Variants in MYO1D observed in about 807,000 individuals in gnomAD.
MYO1D encodes myosin ID.
Under a neutral mutation model 122.0 loss-of-function variants are expected in MYO1D, and 83 were observed. That is an observed-to-expected ratio of 0.68 (90% CI 0.57 to 0.82). The LOEUF (loss-of-function observed/expected upper bound fraction) is 0.82. Ranked by LOEUF, MYO1D falls within the 40% of genes least tolerant of loss-of-function variation. The pLI, the probability that MYO1D is intolerant of heterozygous loss-of-function variation, is 0.00. For synonymous variants in MYO1D, 464 were observed against 446.9 expected (o/e 1.04, Z -0.48); for missense variants, 1,157 against 1,269.5 (o/e 0.91, Z 1.35).
intron 21 of MYO1D, chr17:32,594,397 T>C (rs1441847771): frequency 2.4e-6 from 1 of 424,842 alleles, no homozygotes; most frequent in Non-Finnish European, 4.2e-6. Flanking sequence ...CAGATTTTAA[T>C]GTTGATTTAC....
chr17:32,750,363 C>G (rs4795718), intron 11 of MYO1D, among the ~76,000 whole-genome samples: 3 of 152,034 alleles, frequency 2.0e-5, no homozygotes, highest in African/African-American at 7.2e-5. Flanking sequence ...TCTGTAATCC[C>G]AGCACTTTGG....
chr17:32,801,540 G>A (rs1051990849), intron 1 of MYO1D, among the ~76,000 whole-genome samples: 2 of 152,194 alleles, frequency 1.3e-5, no homozygotes, highest in African/African-American at 4.8e-5. Flanking sequence ...AAGTATATAT[G>A]TTGAGGATAA....
At chr17:32,795,029 G>A (rs2090399182) in intron 1 of MYO1D, among the ~76,000 whole-genome samples, 1 of 152,120 alleles carries the variant, frequency 6.6e-6, no homozygotes, top group South Asian at 2.1e-4. Context: ...AACTTACTGG[G>A]TATGAGAGGC....
intron 21 of MYO1D, among the ~76,000 whole-genome samples, chr17:32,519,924 T>G (rs1267453499): frequency 2.0e-5 from 3 of 147,232 alleles, no homozygotes. Flanking sequence ...CAGGGCGATG[T>G]CTTAGCCAGA....
At chr17:32,503,723 T>C (rs1198702282) in intron 21 of MYO1D, among the ~76,000 whole-genome samples, 1 of 152,196 alleles carries the variant, frequency 6.6e-6, no homozygotes, top group Non-Finnish European at 1.5e-5. Flanking sequence ...CCGTCCTCCA[T>C]CTGGATGTCA....
intron 20 of MYO1D, among the ~76,000 whole-genome samples, chr17:32,615,704 C>T (rs137909806): frequency 3.2e-3 from 489 of 152,292 alleles, no homozygotes; most frequent in African/African-American, 0.011. Flanking sequence ...TTAGAAAGAT[C>T]GAAGGCATCC....
intron 21 of MYO1D, among the ~76,000 whole-genome samples, chr17:32,554,748 AAAG>A (rs1341162591): frequency 2.0e-5 from 3 of 152,228 alleles, no homozygotes; most frequent in African/African-American, 4.8e-5. Flanking sequence ...AAAAATCAGC[AAAG>A]GATATGAATA....
chr17:32,722,810 T>G (rs557154126), intron 14 of MYO1D, among the ~76,000 whole-genome samples: 10 of 152,250 alleles, frequency 6.6e-5, no homozygotes, highest in African/African-American at 2.4e-4. Context: ...CTTCAAAAAC[T>G]TATGAAATTT....
intron 20 of MYO1D, among the ~76,000 whole-genome samples, chr17:32,628,085 T>G (rs2087951723): frequency 6.6e-6 from 1 of 152,224 alleles, no homozygotes; most frequent in South Asian, 2.1e-4. Flanking sequence ...GGCTATTTCT[T>G]GCTTCTGTTT....
rs944488520 is a variant in MYO1D, at chr17:32,876,811, G to A, written c.62C>T (p.Ser21Phe). The A allele has an allele frequency of 9.4e-5, 143 of 1,525,770 alleles. No individual in the cohort carries two copies. The highest frequency in any genetic ancestry group is 1.2e-4 in the Non-Finnish European group (141 of 1,137,356). The allele number at this position is 1,525,770 out of a possible 1,614,324, so 94.5% of individuals were successfully genotyped here. ...GAGGTTGGCCATGAACTCGGGCATGGAGACGGTGTCCATCAGCACGAAGTC... is the reference window on the plus strand; with the variant it reads ...GAGGTTGGCCATGAACTCGGGCATGAAGACGGTGTCCATCAGCACGAAGTC... ...KADFVLMDTV[S>F]MPEFMANLRL... Residue 21 changes from serine (S) to phenylalanine (F), a missense_variant, in exon 1 of 22, where the codon TCC (serine) becomes TTC (phenylalanine). Coordinates refer to ENST00000318217, the MANE Select transcript of MYO1D (RefSeq NM_015194.3).
rs1269884288 is a variant in MYO1D at position 32,689,986 on chromosome 17, A to C, written c.2121+22002T>G. Among the ~76,000 whole-genome samples the C allele has an allele frequency of 2.6e-5, 4 of 152,158 alleles. No homozygotes were observed. The East Asian group carries it at 7.7e-4, about 29-fold the overall frequency. On this transcript the variant is annotated intron_variant, in intron 16 of 21. Transcript: ENST00000318217. Reference sequence around the variant, plus strand: ...GGTTATCCACCCGCCACAGTCTCCCAAAGTGTTGGGATTATAGGCATAAGC... The same window carrying C: ...GGTTATCCACCCGCCACAGTCTCCCCAAGTGTTGGGATTATAGGCATAAGC...
intron 1 of MYO1D, among the ~76,000 whole-genome samples, chr17:32,786,912 A>G (rs2090302037): frequency 6.6e-6 from 1 of 152,158 alleles, no homozygotes; most frequent in South Asian, 2.1e-4. Flanking sequence ...AGTGGGTAAA[A>G]CATCTGACAG....
Position 32,767,765 on chromosome 17 carries a change from A to T in MYO1D, c.715-13T>A. On this transcript the variant is annotated splice_polypyrimidine_tract_variant and intron_variant, in intron 6 of 21. Transcript: ENST00000318217. The stretch of plus-strand genomic sequence containing the variant: ...CATTGATAGAAGACTGGGGATGAAA[A>T]TGAAAAACTGAAGTTACAGATATTT... 6.4e-7 allele frequency: 1 copy of T among 1,554,346 alleles called. No homozygotes were observed. The highest frequency in any genetic ancestry group is 1.4e-5 in the African/African-American group (1 of 73,778).
chr17:32,853,437 C>A (rs1015739839), intron 1 of MYO1D, among the ~76,000 whole-genome samples: 2 of 152,168 alleles, frequency 1.3e-5, no homozygotes, highest in African/African-American at 4.8e-5. Context: ...GGCCAACTTG[C>A]CAACTTCCTG....
chr17:32,629,554 G>A (rs112222404), intron 20 of MYO1D, among the ~76,000 whole-genome samples: 23,928 of 152,038 alleles, frequency 0.16, 2,040 homozygotes, highest in Middle Eastern at 0.24. Flanking sequence ...CCAAGATGGT[G>A]AAACCTCGTC....
In MYO1D at chr17:32,769,198, T is replaced by TTATAAAGGACA. The variant is rs376495675; in HGVS notation, c.715-1457_715-1447dup. Among the ~76,000 whole-genome samples the TTATAAAGGACA allele has an allele frequency of 3.8e-3, 577 of 152,308 alleles. 2 individuals carry two copies. Among genetic ancestry groups the TTATAAAGGACA allele is most frequent in the African/African-American group, 0.013 (555 of 41,566 alleles). Reference sequence around the variant, plus strand: ...GGGTTCTTGGGGAGGTTTCCCTAGCTTATAAAGGACATATGCCATGAACAT... The same window carrying TTATAAAGGACA: ...GGGTTCTTGGGGAGGTTTCCCTAGCTTATAAAGGACATATAAAGGACATATGCCATGAACAT... On this transcript the variant is annotated intron_variant, in intron 6 of 21. Coordinates refer to ENST00000318217, the MANE Select transcript of MYO1D (RefSeq NM_015194.3).
intron 16 of MYO1D, among the ~76,000 whole-genome samples, chr17:32,703,120 C>T (rs2089267979): frequency 6.6e-6 from 1 of 152,180 alleles, no homozygotes; most frequent in South Asian, 2.1e-4. Flanking sequence ...CTTAACTACA[C>T]TGGAAGAGCT....
At chr17:32,612,949 A>G (rs1324381099) in intron 20 of MYO1D, among the ~76,000 whole-genome samples, 1 of 151,796 alleles carries the variant, frequency 6.6e-6, no homozygotes, top group Non-Finnish European at 1.5e-5. Flanking sequence ...TTGTATTTTC[A>G]GTAGAGACAG....
In MYO1D at chr17:32,645,954, G is replaced by T. The variant is rs536323329; in HGVS notation, c.2596-7119C>A. On this transcript the variant is annotated intron_variant, in intron 19 of 21. Coordinates refer to ENST00000318217, the MANE Select transcript of MYO1D (RefSeq NM_015194.3). The stretch of plus-strand genomic sequence containing the variant: ...TGTTCCATTGCTGGTGAGGAGCTGC[G>T]TTCCTTTGGAGGAGGAGAGGTGCTC... 8.5e-5 allele frequency among the ~76,000 whole-genome samples: 13 copies of T among 152,284 alleles called. No individual in the cohort carries two copies. In the South Asian group the frequency reaches 2.5e-3, roughly 29 times the overall value.
Sources: gnomAD v4.1 joint callset for allele counts (sites outside exome capture counted in the v4.1 genomes callset) on GRCh38, gnomAD v4.1.1 for gene constraint, MANE v1.5 for transcripts, NCBI Gene and HGNC (gene_info 2026-07-23, HGNC 2026-07-21) for gene names.